CNTN5: variants seen among roughly 807,000 people sequenced by gnomAD.
CNTN5 encodes the protein contactin-5.
CNTN5 carries 77 observed loss-of-function variants against 129.1 expected under a neutral mutation model. The ratio of observed to expected loss-of-function variants is 0.60; its 90% CI spans 0.50 to 0.72. CNTN5 has a LOEUF of 0.72. Ranked by LOEUF, CNTN5 falls within the 30% of genes least tolerant of loss-of-function variation. CNTN5 has a pLI of 0.00. For missense variants in CNTN5, 1,478 were observed against 1,328.8 expected (o/e 1.11, Z -1.75); for synonymous variants, 509 against 465.6 (o/e 1.09, Z -1.20).
intron 8 of CNTN5, among the ~76,000 whole-genome samples, chr11:99,961,220 A>AAAAC (rs1555167389): frequency 1.1e-5 from 1 of 88,212 alleles, no homozygotes; most frequent in Non-Finnish European, 3.3e-5. Flanking sequence ...AAAAAAAAAA[A>AAAAC]AAAAACAGTA....
At chr11:99,935,590 G>T (rs993492271) in intron 7 of CNTN5, among the ~76,000 whole-genome samples, 3 of 151,964 alleles carry the variant, frequency 2.0e-5, no homozygotes, top group Non-Finnish European at 2.9e-5. Flanking sequence ...ATATATATGT[G>T]TGTGTGTTGT....
chr11:99,427,360 C>T (rs1943165509), intron 2 of CNTN5, among the ~76,000 whole-genome samples: 1 of 152,090 alleles, frequency 6.6e-6, no homozygotes, highest in Non-Finnish European at 1.5e-5. Context: ...GAAATAATTA[C>T]AAAAACTGAT....
intron 1 of CNTN5, among the ~76,000 whole-genome samples, chr11:99,241,169 G>A (rs1861530855): frequency 2.6e-5 from 4 of 152,080 alleles, no homozygotes; most frequent in Admixed American, 2.0e-4. Flanking sequence ...TGTCTACTTA[G>A]AGAATCTCCA....
At chr11:99,884,831 G>A (rs1948858373) in intron 6 of CNTN5, among the ~76,000 whole-genome samples, 2 of 152,130 alleles carry the variant, frequency 1.3e-5, no homozygotes, top group African/African-American at 2.4e-5. Flanking sequence ...ACAGAAATTA[G>A]CTGGGTGTGA....
chr11:99,512,146 C>CCCTG (rs1946861010), intron 2 of CNTN5, among the ~76,000 whole-genome samples: 1 of 152,130 alleles, frequency 6.6e-6, no homozygotes, highest in South Asian at 2.1e-4. Flanking sequence ...AAAATACCAA[C>CCCTG]CCTGCCGCCT....
At chr11:99,676,438 T>C (rs530028641) in intron 3 of CNTN5, among the ~76,000 whole-genome samples, 1 of 152,176 alleles carries the variant, frequency 6.6e-6, no homozygotes, top group Non-Finnish European at 1.5e-5. Context: ...TTTTGTCACA[T>C]TATGGGATTT....
chr11:99,022,670 C>T (rs1165522904), intron 1 of CNTN5, among the ~76,000 whole-genome samples: 1 of 151,486 alleles, frequency 6.6e-6, no homozygotes, highest in African/African-American at 2.4e-5. Flanking sequence ...TCATCTAAGT[C>T]CATTAAAGGG....
intron 3 of CNTN5, among the ~76,000 whole-genome samples, chr11:99,759,978 G>C (rs1944526230): frequency 6.6e-6 from 1 of 151,988 alleles, no homozygotes. Flanking sequence ...TGATACTTCA[G>C]TTTCAGACAC....
intron 1 of CNTN5, among the ~76,000 whole-genome samples, chr11:99,094,586 A>G (rs1408007052): frequency 6.6e-6 from 1 of 152,034 alleles, no homozygotes; most frequent in African/African-American, 2.4e-5. Flanking sequence ...CATGTGGCAT[A>G]CAGAAGACAG....
chr11:100,197,359 G>A (rs1948666208), intron 15 of CNTN5, among the ~76,000 whole-genome samples: 1 of 151,982 alleles, frequency 6.6e-6, no homozygotes, highest in Non-Finnish European at 1.5e-5. Context: ...TTGTTTTTAG[G>A]AAGATAATTC....
intron 13 of CNTN5, among the ~76,000 whole-genome samples, chr11:100,113,806 G>T (rs1222820922): frequency 6.6e-6 from 1 of 151,888 alleles, no homozygotes; most frequent in Non-Finnish European, 1.5e-5. Context: ...CAGTTTCTCA[G>T]ATTTTTGTTT....
chr11:99,798,713 G>T lies in CNTN5; in HGVS notation c.56-20831G>T, dbSNP rs79057105. 9.6e-3 allele frequency among the ~76,000 whole-genome samples: 1,465 copies of T among 152,090 alleles called. 16 individuals carry two copies. The highest frequency in any genetic ancestry group is 0.033 in the African/African-American group (1,390 of 41,508). On this transcript the variant is annotated intron_variant, in intron 3 of 24. Coordinates refer to ENST00000524871, the MANE Select transcript of CNTN5 (RefSeq NM_014361.4). Reference sequence around the variant, plus strand: ...CAGGTATTGTGGTGCCTCCAGTTTTGTTCTTTTTGCTTGTGATTGCTTTGG... The same window carrying T: ...CAGGTATTGTGGTGCCTCCAGTTTTTTTCTTTTTGCTTGTGATTGCTTTGG...
intron 3 of CNTN5, among the ~76,000 whole-genome samples, chr11:99,681,581 G>C (rs1460042338): frequency 6.6e-6 from 1 of 152,004 alleles, no homozygotes; most frequent in East Asian, 1.9e-4. Flanking sequence ...GAATGCTACT[G>C]TATGCTTAGT....
chr11:99,341,621 A>G (rs1447677629), intron 2 of CNTN5, among the ~76,000 whole-genome samples: 1 of 152,220 alleles, frequency 6.6e-6, no homozygotes, highest in African/African-American at 2.4e-5. Flanking sequence ...TGCTATGGTC[A>G]GTAAGTCACA....
intron 15 of CNTN5, among the ~76,000 whole-genome samples, chr11:100,215,199 T>C (rs1949112768): frequency 6.6e-6 from 1 of 152,194 alleles, no homozygotes; most frequent in Non-Finnish European, 1.5e-5. Flanking sequence ...TAGTACAATT[T>C]TTCTTACATT....
chr11:99,707,198 AATATATCTTCATCCCTCACTG>A (rs1954793781), intron 3 of CNTN5, among the ~76,000 whole-genome samples: 1 of 151,514 alleles, frequency 6.6e-6, no homozygotes, highest in Admixed American at 6.6e-5. Flanking sequence ...GGTCAAGTAA[AATATATCTTCATCCCTCACTG>A]ATTTCAAATG....
At chr11:99,572,529 C>CG in intron 3 of CNTN5, among the ~76,000 whole-genome samples, 2 of 152,196 alleles carry the variant, frequency 1.3e-5, no homozygotes, top group Middle Eastern at 3.4e-3. Flanking sequence ...TTGGCACTAT[C>CG]ATAAGAGTTT....
chr11:99,891,980 T>A (rs1328551655), intron 6 of CNTN5, among the ~76,000 whole-genome samples: 1 of 152,180 alleles, frequency 6.6e-6, no homozygotes, highest in Admixed American at 6.5e-5. Context: ...CTCCACATCC[T>A]CTCCAGCATC....
intron 14 of CNTN5, among the ~76,000 whole-genome samples, chr11:100,193,045 G>A (rs1948536876): frequency 6.6e-6 from 1 of 151,750 alleles, no homozygotes; most frequent in South Asian, 2.1e-4. Flanking sequence ...GCTTTCTATT[G>A]CCCTGTAGCC....
Sources: allele counts gnomAD v4.1 joint callset (sites outside exome capture counted in the v4.1 genomes callset), GRCh38; gene constraint gnomAD v4.1.1; transcripts MANE v1.5; gene names NCBI Gene and HGNC (gene_info 2026-07-23, HGNC 2026-07-21).